ERBB4: variants seen among roughly 807,000 people sequenced by gnomAD.
ERBB4 encodes the protein erb-b2 receptor tyrosine kinase 4.
In ERBB4, 42 loss-of-function variants were observed where a neutral mutation model predicts 158.0. The observed-to-expected ratio is 0.27, with a 90% confidence interval of 0.21 to 0.34. The LOEUF (loss-of-function observed/expected upper bound fraction) is 0.34, where lower values mean the gene tolerates loss of function less well. Among genes scored for constraint, ERBB4 ranks in the 10% least tolerant of loss-of-function variants. The pLI is 1.00. For missense variants in ERBB4, 1,333 were observed against 1,624.1 expected (o/e 0.82, Z 3.08); for synonymous variants, 583 against 558.7 (o/e 1.04, Z -0.61).
intron 3 of ERBB4, among the ~76,000 whole-genome samples, chr2:211,900,973 A>G (rs1270049828): frequency 6.6e-6 from 1 of 152,180 alleles, no homozygotes; most frequent in South Asian, 2.1e-4. Context: ...CTATGAATGG[A>G]GTGAGGCAAA....
chr2:211,441,629 TG>T (rs2063979141), intron 20 of ERBB4, among the ~76,000 whole-genome samples: 1 of 152,158 alleles, frequency 6.6e-6, no homozygotes, highest in Non-Finnish European at 1.5e-5. Context: ...GTGGAAATGC[TG>T]ATATCTTTTC....
At chr2:212,300,537 C>A (rs2086581473) in intron 1 of ERBB4, among the ~76,000 whole-genome samples, 1 of 151,354 alleles carries the variant, frequency 6.6e-6, no homozygotes, top group South Asian at 2.1e-4. Context: ...TAAAATATCC[C>A]AGCCTACAAA....
chr2:212,352,770 AG>A (rs1483151166), intron 1 of ERBB4, among the ~76,000 whole-genome samples: 2 of 152,124 alleles, frequency 1.3e-5, no homozygotes, highest in African/African-American at 4.8e-5. Flanking sequence ...TGGGAGGCTG[AG>A]GCAGGAGAAT....
At chr2:211,740,017 T>C (rs759506028) in intron 5 of ERBB4, among the ~76,000 whole-genome samples, 1 of 152,156 alleles carries the variant, frequency 6.6e-6, no homozygotes, top group Admixed American at 6.6e-5. Context: ...GAATCTGTCT[T>C]TTTTTCTGTT....
At chr2:211,481,402 C>T (rs1269019949) in intron 20 of ERBB4, among the ~76,000 whole-genome samples, 1 of 152,044 alleles carries the variant, frequency 6.6e-6, no homozygotes, top group Non-Finnish European at 1.5e-5. Flanking sequence ...TTTTTTACAG[C>T]ATTCTAAAGG....
At chr2:211,513,333 G>T (rs1470168062) in intron 20 of ERBB4, among the ~76,000 whole-genome samples, 9 of 142,596 alleles carry the variant, frequency 6.3e-5, no homozygotes, top group African/African-American at 2.4e-4. Context: ...AGTCCGGCCT[G>T]GGCGACAGAG....
At chr2:212,095,899 C>G (rs1209358190) in intron 2 of ERBB4, among the ~76,000 whole-genome samples, 1 of 142,888 alleles carries the variant, frequency 7.0e-6, no homozygotes, top group Non-Finnish European at 1.5e-5. Flanking sequence ...GGTGCTACTG[C>G]ACTCCAGCCT....
chr2:211,922,373 A>G (rs905800065), intron 3 of ERBB4, among the ~76,000 whole-genome samples: 2 of 152,322 alleles, frequency 1.3e-5, no homozygotes, highest in East Asian at 3.8e-4. Flanking sequence ...TGATTCTAAT[A>G]TCAAAAGTCT....
At chr2:211,569,134 T>A (rs1404112162) in intron 19 of ERBB4, among the ~76,000 whole-genome samples, 1 of 152,162 alleles carries the variant, frequency 6.6e-6, no homozygotes, top group Admixed American at 6.5e-5. Flanking sequence ...AACTTTGAAG[T>A]CAGCACTTTT....
intron 2 of ERBB4, among the ~76,000 whole-genome samples, chr2:212,065,301 A>G (rs2077909859): frequency 6.6e-6 from 1 of 152,066 alleles, no homozygotes; most frequent in Non-Finnish European, 1.5e-5. Context: ...TTTGTGAAAT[A>G]AAGCACTTTC....
chr2:211,769,765 A>G (rs1232289771), intron 4 of ERBB4, among the ~76,000 whole-genome samples: 1 of 152,196 alleles, frequency 6.6e-6, no homozygotes. Flanking sequence ...GGCAGGAAGC[A>G]TTCAGTGTGG....
At chr2:211,491,896 G>A (rs946291163) in intron 20 of ERBB4, among the ~76,000 whole-genome samples, 1 of 151,822 alleles carries the variant, frequency 6.6e-6, no homozygotes, top group African/African-American at 2.4e-5. Context: ...TAAAGTCTGG[G>A]GATTCAAAGC....
intron 1 of ERBB4, among the ~76,000 whole-genome samples, chr2:212,323,128 A>G (rs2087646178): frequency 6.6e-6 from 1 of 150,566 alleles, no homozygotes; most frequent in Non-Finnish European, 1.5e-5. Flanking sequence ...TTGTCACTGT[A>G]TTTCCATAAC....
chr2:211,493,330 A>G (rs2065391867), intron 20 of ERBB4, among the ~76,000 whole-genome samples: 1 of 152,082 alleles, frequency 6.6e-6, no homozygotes, highest in African/African-American at 2.4e-5. Flanking sequence ...AATTTAATAT[A>G]TTGAACAGAC....
intron 19 of ERBB4, among the ~76,000 whole-genome samples, chr2:211,572,811 T>A (rs2067769287): frequency 6.6e-6 from 1 of 152,216 alleles, no homozygotes; most frequent in South Asian, 2.1e-4. Context: ...AATGTAGTCA[T>A]CTTGAACAAG....
intron 4 of ERBB4, among the ~76,000 whole-genome samples, chr2:211,770,299 T>C (rs1448771904): frequency 6.6e-6 from 1 of 152,164 alleles, no homozygotes; most frequent in Non-Finnish European, 1.5e-5. Context: ...ATTTTCCTTA[T>C]TAAAGGAAAT....
At chr2:212,323,167 G>A (rs1394823485) in intron 1 of ERBB4, among the ~76,000 whole-genome samples, 1 of 150,352 alleles carries the variant, frequency 6.7e-6, no homozygotes, top group East Asian at 2.0e-4. Flanking sequence ...TTTCGTCAGT[G>A]CATTTTAATT....
At chr2:212,027,799 T>C (rs781048290) in intron 2 of ERBB4, among the ~76,000 whole-genome samples, 3 of 152,106 alleles carry the variant, frequency 2.0e-5, no homozygotes, top group Non-Finnish European at 2.9e-5. Context: ...TTAGTCAATA[T>C]AGTTCACTTT....
At chr2:212,084,351 C>A (rs2078537998) in intron 2 of ERBB4, among the ~76,000 whole-genome samples, 2 of 152,080 alleles carry the variant, frequency 1.3e-5, no homozygotes, top group South Asian at 4.1e-4. Flanking sequence ...CAGCCATGAG[C>A]AAGCTATAAC....
Sources: gnomAD v4.1 joint callset for allele counts (sites outside exome capture counted in the v4.1 genomes callset) on GRCh38, gnomAD v4.1.1 for gene constraint, MANE v1.5 for transcripts, NCBI Gene and HGNC (gene_info 2026-07-23, HGNC 2026-07-21) for gene names.